IMMP2L: variants seen among roughly 807,000 people sequenced by gnomAD.
IMMP2L encodes the protein mitochondrial inner membrane protease subunit 2.
In IMMP2L, 18 loss-of-function variants were observed where a neutral mutation model predicts 19.3. The observed-to-expected ratio is 0.93, with a 90% CI of 0.64 to 1.38. The LOEUF is 1.38. Ranked by LOEUF, IMMP2L falls within the 40% of genes most tolerant of loss-of-function variation. IMMP2L has a pLI of 0.00. For synonymous variants in IMMP2L, 76 were observed against 73.0 expected (o/e 1.04, Z -0.21); for missense variants, 233 against 218.2 (o/e 1.07, Z -0.43).
chr7:110,702,762 G>T (rs1794371507), intron 5 of IMMP2L, among the ~76,000 whole-genome samples: 1 of 151,988 alleles, frequency 6.6e-6, no homozygotes, highest in South Asian at 2.1e-4. Context: ...ATATTGACCT[G>T]TACTCTTCAA....
intron 5 of IMMP2L, among the ~76,000 whole-genome samples, chr7:110,775,183 A>G (rs941840072): frequency 1.3e-5 from 2 of 151,454 alleles, no homozygotes; most frequent in African/African-American, 4.9e-5. Context: ...TAATGAGATC[A>G]TGCCTGTTTT....
intron 1 of IMMP2L, among the ~76,000 whole-genome samples, chr7:111,527,371 T>C (rs1321661581): frequency 7.2e-6 from 1 of 138,448 alleles, no homozygotes; most frequent in Non-Finnish European, 1.6e-5. Context: ...GAGCTATGAC[T>C]GTGCCACCAC....
At chr7:110,693,632 T>A (rs1182131496) in intron 5 of IMMP2L, among the ~76,000 whole-genome samples, 2 of 152,136 alleles carry the variant, frequency 1.3e-5, no homozygotes, top group African/African-American at 4.8e-5. Context: ...GGAAGGCCTC[T>A]CCTCCTTCTG....
intron 3 of IMMP2L, among the ~76,000 whole-genome samples, chr7:111,469,614 G>A (rs958325722): frequency 6.6e-5 from 10 of 152,058 alleles, no homozygotes; most frequent in African/African-American, 1.9e-4. Context: ...ACAAAAACAA[G>A]CAACGGGGAA....
At chr7:111,406,715 C>T (rs1833927957) in intron 3 of IMMP2L, among the ~76,000 whole-genome samples, 1 of 151,970 alleles carries the variant, frequency 6.6e-6, no homozygotes, top group Non-Finnish European at 1.5e-5. Context: ...AGAGGTCTTC[C>T]TTAATCACTC....
intron 3 of IMMP2L, among the ~76,000 whole-genome samples, chr7:111,236,229 G>C (rs984677297): frequency 1.3e-5 from 2 of 151,754 alleles, no homozygotes; most frequent in Admixed American, 6.6e-5. Context: ...ATTTTTACTA[G>C]CTTCCAAACA....
At chr7:110,723,340 A>G (rs1378322408) in intron 5 of IMMP2L, among the ~76,000 whole-genome samples, 1 of 152,202 alleles carries the variant, frequency 6.6e-6, no homozygotes, top group African/African-American at 2.4e-5. Flanking sequence ...AGTTTGATGC[A>G]AAATCCTGAC....
At chr7:111,469,963 G>A (rs1037482441) in intron 3 of IMMP2L, among the ~76,000 whole-genome samples, 7 of 151,990 alleles carry the variant, frequency 4.6e-5, no homozygotes, top group Middle Eastern at 3.2e-3. Context: ...GAAAATTTTC[G>A]CAAGCTACTC....
intron 3 of IMMP2L, among the ~76,000 whole-genome samples, chr7:111,272,607 C>T (rs1022900145): frequency 3.3e-5 from 5 of 152,148 alleles, no homozygotes; most frequent in African/African-American, 1.2e-4. Context: ...TTGGCTGATA[C>T]ATAGACTATT....
chr7:111,370,179 T>A (rs1830136399), intron 3 of IMMP2L, among the ~76,000 whole-genome samples: 1 of 151,996 alleles, frequency 6.6e-6, no homozygotes, highest in Non-Finnish European at 1.5e-5. Flanking sequence ...AAACCTAGAA[T>A]CTAGGCCTAG....
At chr7:110,932,323 CT>C (rs1815583820) in intron 4 of IMMP2L, among the ~76,000 whole-genome samples, 1 of 152,140 alleles carries the variant, frequency 6.6e-6, no homozygotes, top group South Asian at 2.1e-4. Flanking sequence ...TCAGAATCTA[CT>C]TTCCTAGTGT....
At chr7:110,776,143 A>T (rs1799370950) in intron 5 of IMMP2L, among the ~76,000 whole-genome samples, 1 of 152,030 alleles carries the variant, frequency 6.6e-6, no homozygotes, top group Admixed American at 6.6e-5. Flanking sequence ...ATGGATGTTT[A>T]ATGAACACCA....
intron 3 of IMMP2L, among the ~76,000 whole-genome samples, chr7:111,055,946 C>T (rs1793472652): frequency 6.6e-6 from 1 of 152,142 alleles, no homozygotes; most frequent in African/African-American, 2.4e-5. Context: ...TAGGCTAGTG[C>T]TTTTAGAATT....
chr7:111,492,435 G>C, intron 2 of IMMP2L: 1 of 976,662 alleles, frequency 1.0e-6, no homozygotes, highest in African/African-American at 1.8e-5. Context: ...CTTCCCCTCT[G>C]TCAAGAATGT....
Position 111,359,450 on chromosome 7 carries a change from C to T in IMMP2L, c.239+127788G>A, listed in dbSNP as rs946739644. Among the ~76,000 whole-genome samples, 5 of 151,828 alleles carry T rather than the reference C, an allele frequency of 3.3e-5. No homozygotes were observed. In the East Asian group the frequency reaches 5.8e-4, roughly 18 times the overall value. The stretch of plus-strand genomic sequence containing the variant: ...CTGAGTAGCTGGGATTATAGGCACC[C>T]GCCACCACTCCTGGCTAATTTTTGT... On this transcript the variant is annotated intron_variant, in intron 3 of 5. Coordinates refer to ENST00000405709, the MANE Select transcript of IMMP2L (RefSeq NM_032549.4).
At chr7:111,209,613 A>G (rs1029604854) in intron 3 of IMMP2L, among the ~76,000 whole-genome samples, 33 of 152,136 alleles carry the variant, frequency 2.2e-4, no homozygotes, top group African/African-American at 8.0e-4. Flanking sequence ...TTATCAGAAT[A>G]AGATGCCCTC....
intron 3 of IMMP2L, among the ~76,000 whole-genome samples, chr7:111,176,810 T>C (rs1807115605): frequency 6.6e-6 from 1 of 151,604 alleles, no homozygotes; most frequent in Non-Finnish European, 1.5e-5. Context: ...AAACAAAAAA[T>C]AAATGGTGCA....
At chr7:111,541,350 C>T (rs1848489973) in intron 1 of IMMP2L, among the ~76,000 whole-genome samples, 1 of 152,062 alleles carries the variant, frequency 6.6e-6, no homozygotes, top group Admixed American at 6.6e-5. Context: ...GTCATACCTG[C>T]GTTCATTTAA....
intron 1 of IMMP2L, among the ~76,000 whole-genome samples, chr7:111,556,014 G>GTGTATATATATATATATA: frequency 1.7e-5 from 2 of 114,602 alleles, no homozygotes; most frequent in Middle Eastern, 4.3e-3. Flanking sequence ...TCTTCTGTGT[G>GTGTATATATATATATATA]CATGTATATA....
Sources: gnomAD v4.1 joint callset for allele counts (sites outside exome capture counted in the v4.1 genomes callset) on GRCh38, gnomAD v4.1.1 for gene constraint, MANE v1.5 for transcripts, NCBI Gene and HGNC (gene_info 2026-07-23, HGNC 2026-07-21) for gene names.